CNTN5: variants seen among roughly 807,000 people sequenced by gnomAD.
CNTN5 encodes contactin-5.
Under a neutral mutation model 129.1 loss-of-function variants are expected in CNTN5, and 77 were observed. The observed-to-expected ratio is 0.60, with a 90% CI of 0.50 to 0.72. The LOEUF (loss-of-function observed/expected upper bound fraction) is 0.72, where lower values mean the gene tolerates loss of function less well. Ranked by LOEUF, CNTN5 falls within the 30% of genes least tolerant of loss-of-function variation. The pLI is 0.00. For synonymous variants in CNTN5, 509 were observed against 465.6 expected (o/e 1.09, Z -1.20); for missense variants, 1,478 against 1,328.8 (o/e 1.11, Z -1.75).
chr11:100,168,934 G>A (rs1947740008), intron 13 of CNTN5, among the ~76,000 whole-genome samples: 1 of 151,904 alleles, frequency 6.6e-6, no homozygotes, highest in Non-Finnish European at 1.5e-5. Flanking sequence ...CCAACCCTTA[G>A]GGATGACTCT....
intron 3 of CNTN5, among the ~76,000 whole-genome samples, chr11:99,591,485 G>A (rs543968015): frequency 1.1e-4 from 17 of 151,750 alleles, no homozygotes; most frequent in Admixed American, 1.1e-3. Flanking sequence ...CTACAGGCGC[G>A]TGCCACCATG....
intron 13 of CNTN5, among the ~76,000 whole-genome samples, chr11:100,160,493 A>ATGAT (rs1947410977): frequency 6.6e-6 from 1 of 151,944 alleles, no homozygotes; most frequent in Non-Finnish European, 1.5e-5. Flanking sequence ...ATGAAGAAAG[A>ATGAT]TGATTGTTTA....
chr11:99,231,409 G>A (rs1860990269), intron 1 of CNTN5, among the ~76,000 whole-genome samples: 1 of 152,146 alleles, frequency 6.6e-6, no homozygotes, highest in African/African-American at 2.4e-5. Flanking sequence ...GTGATGTTGA[G>A]CATTTTTTAA....
rs1271531957 is a variant in CNTN5 at position 99,696,258 on chromosome 11, G to A, written c.56-123286G>A. Among the ~76,000 whole-genome samples, 8 of 152,142 alleles carry A rather than the reference G, an allele frequency of 5.3e-5. No individual in the cohort carries two copies. The East Asian group carries it at 1.6e-3, about 29-fold the overall frequency. The stretch of plus-strand genomic sequence containing the variant: ...TAGAGCTTCCTTACATGTCTATGAG[G>A]AATATTATAACCAAGCATACTCTCA... On this transcript the variant is annotated intron_variant, in intron 3 of 24. Coordinates refer to ENST00000524871, the MANE Select transcript of CNTN5 (RefSeq NM_014361.4).
At chr11:100,115,209 A>T (rs1397940751) in intron 13 of CNTN5, among the ~76,000 whole-genome samples, 1 of 151,838 alleles carries the variant, frequency 6.6e-6, no homozygotes, top group East Asian at 1.9e-4. Flanking sequence ...CAGTCTAGAG[A>T]TTCAAGTTAG....
At chr11:99,967,008 C>G (rs1195483910) in intron 8 of CNTN5, among the ~76,000 whole-genome samples, 1 of 152,064 alleles carries the variant, frequency 6.6e-6, no homozygotes, top group African/African-American at 2.4e-5. Flanking sequence ...ATAGAAACAT[C>G]CAACCCAGAT....
At chr11:99,445,119 C>T (rs920540791) in intron 2 of CNTN5, among the ~76,000 whole-genome samples, 2 of 147,778 alleles carry the variant, frequency 1.4e-5, no homozygotes, top group African/African-American at 4.9e-5. Flanking sequence ...TATTTATATG[C>T]ATGTGTATAA....
intron 2 of CNTN5, among the ~76,000 whole-genome samples, chr11:99,535,483 A>G (rs941792733): frequency 6.6e-6 from 1 of 152,140 alleles, no homozygotes; most frequent in African/African-American, 2.4e-5. Context: ...CCCTCAAAAT[A>G]TTGTTGCCAA....
intron 1 of CNTN5, among the ~76,000 whole-genome samples, chr11:99,229,195 T>A (rs530445600): frequency 6.9e-4 from 105 of 152,144 alleles, no homozygotes; most frequent in African/African-American, 2.4e-3. Flanking sequence ...CTCATAAAAA[T>A]TTTTCATAAT....
chr11:100,230,754 G>A (rs1949470374), intron 16 of CNTN5, among the ~76,000 whole-genome samples: 1 of 152,100 alleles, frequency 6.6e-6, no homozygotes, highest in African/African-American at 2.4e-5. Context: ...TCCGTCAACT[G>A]ACTGAGACAT....
chr11:99,728,913 A>C (rs1476126472), intron 3 of CNTN5, among the ~76,000 whole-genome samples: 1 of 152,208 alleles, frequency 6.6e-6, no homozygotes, highest in African/African-American at 2.4e-5. Context: ...AGGAGCATCC[A>C]GGTATGTTGT....
intron 2 of CNTN5, among the ~76,000 whole-genome samples, chr11:99,361,336 T>G (rs569447086): frequency 3.3e-5 from 5 of 152,298 alleles, no homozygotes; most frequent in African/African-American, 9.6e-5. Flanking sequence ...CAAAATGGAC[T>G]AAGATGCCCC....
In CNTN5 at chr11:99,284,250, A is replaced by G. The variant is rs542368233; in HGVS notation, c.-209-41096A>G. On this transcript the variant is annotated intron_variant, in intron 1 of 24. Coordinates refer to ENST00000524871, the MANE Select transcript of CNTN5 (RefSeq NM_014361.4). ...ACAATAGTCTCTACAAACAAACATA[A>G]TGGAATTTAAACACACACACGTACA... Among the ~76,000 whole-genome samples the G allele has an allele frequency of 5.3e-5, 8 of 152,254 alleles. 1 individual carries two copies. In the South Asian group the frequency reaches 1.7e-3, roughly 32 times the overall value.
chr11:99,335,822 C>T (rs537620652), intron 2 of CNTN5, among the ~76,000 whole-genome samples: 2 of 152,148 alleles, frequency 1.3e-5, no homozygotes, highest in East Asian at 3.9e-4. Context: ...AATCTTGAGG[C>T]AGAGAAGCAG....
chr11:99,221,404 T>C (rs1860390946), intron 1 of CNTN5, among the ~76,000 whole-genome samples: 1 of 151,916 alleles, frequency 6.6e-6, no homozygotes, highest in South Asian at 2.1e-4. Flanking sequence ...ATACCTCTGA[T>C]ATTATGATTT....
At chr11:99,651,165 A>G (rs1307980232) in intron 3 of CNTN5, among the ~76,000 whole-genome samples, 2 of 151,992 alleles carry the variant, frequency 1.3e-5, no homozygotes, top group Non-Finnish European at 2.9e-5. Flanking sequence ...TTGAGGACAT[A>G]TATCACAGCT....
chr11:99,936,597 T>C (rs1950320982), intron 7 of CNTN5, among the ~76,000 whole-genome samples: 1 of 152,136 alleles, frequency 6.6e-6, no homozygotes, highest in Non-Finnish European at 1.5e-5. Flanking sequence ...TCAAATAGTA[T>C]AGGCTTATTT....
At chr11:99,025,650 A>C (rs1273500507) in intron 1 of CNTN5, among the ~76,000 whole-genome samples, 2 of 151,796 alleles carry the variant, frequency 1.3e-5, no homozygotes, top group African/African-American at 4.8e-5. Flanking sequence ...AGATGCTCTC[A>C]TCGAGAGATA....
intron 21 of CNTN5, among the ~76,000 whole-genome samples, chr11:100,338,691 C>A (rs901820341): frequency 6.6e-6 from 1 of 152,290 alleles, no homozygotes; most frequent in East Asian, 1.9e-4. Context: ...GGGCCCACAG[C>A]CAGAACAGGC....
Sources: allele counts gnomAD v4.1 joint callset (sites outside exome capture counted in the v4.1 genomes callset), GRCh38; gene constraint gnomAD v4.1.1; transcripts MANE v1.5; gene names NCBI Gene and HGNC (gene_info 2026-07-23, HGNC 2026-07-21).